The following ANOS1 variants were observed in gnomAD, a reference collection of about 807,000 sequenced individuals.
ANOS1 encodes the protein anosmin 1, also known as anosmin-1.
A neutral mutation model predicts 59.0 loss-of-function variants in ANOS1; 6 were observed. That is an observed-to-expected ratio of 0.10 (90% CI 0.06 to 0.20). The LOEUF is 0.20. Among genes scored for constraint, ANOS1 ranks in the 10% least tolerant of loss-of-function variants. The probability of loss-of-function intolerance (pLI) is 1.00; values close to 1 mark genes in which losing one functional copy is unlikely to be tolerated. For missense variants in ANOS1, 433 were observed against 542.3 expected (o/e 0.80, Z 2.00); for synonymous variants, 217 against 223.4 (o/e 0.97, Z 0.25).
intron 2 of ANOS1, among the ~76,000 whole-genome samples, chrX:8,681,328 C>T (rs747044045): frequency 8.9e-6 from 1 of 112,067 alleles, no homozygotes; most frequent in Non-Finnish European, 1.9e-5. Context: ...AAAGCTTTTC[C>T]ATTGCTATAC....
chrX:8,706,277 T>A (rs1315097789), intron 1 of ANOS1, among the ~76,000 whole-genome samples: 1 of 112,217 alleles, frequency 8.9e-6, no homozygotes, highest in Non-Finnish European at 1.9e-5. Context: ...GTCTACAATT[T>A]CCAAAATACA....
intron 2 of ANOS1, among the ~76,000 whole-genome samples, chrX:8,641,102 G>A (rs187177996): frequency 4.1e-4 from 46 of 112,291 alleles, no homozygotes; most frequent in African/African-American, 1.4e-3. Context: ...TGAGAAATAA[G>A]TAGGTCAGTC....
At chrX:8,601,410 C>T (rs1930841348) in intron 3 of ANOS1, among the ~76,000 whole-genome samples, 1 of 110,868 alleles carries the variant, frequency 9.0e-6, no homozygotes. Flanking sequence ...ATGCCAACTG[C>T]CACACATTTG....
At position 8,570,619 on chromosome X, in the gene ANOS1, A is replaced by C; in HGVS notation, c.942T>G (p.Val314=). Residue 314 remains valine, a synonymous_variant, in exon 7 of 14, where the codon GTT becomes GTG. Transcript: ENST00000262648. ...TGTCCGGCTCCTCGGGGAGATCCCA[A>C]ACTATAGTGACGGTCACACTCCCAT... ...NSDGSVTVTI[V]WDLPEEPDIP... 8.3e-7 allele frequency: 1 copy of C among 1,211,294 alleles called. No homozygotes were observed.
intron 1 of ANOS1, among the ~76,000 whole-genome samples, chrX:8,723,012 G>T (rs1447154289): frequency 1.8e-5 from 2 of 112,078 alleles, no homozygotes; most frequent in African/African-American, 6.5e-5. Flanking sequence ...GCCACATGTA[G>T]GAGAATGAAA....
At chrX:8,589,240 T>C (rs1418727488) in intron 4 of ANOS1, among the ~76,000 whole-genome samples, 1 of 112,315 alleles carries the variant, frequency 8.9e-6, no homozygotes, top group Non-Finnish European at 1.9e-5. Flanking sequence ...TAAAAAAAGC[T>C]ATTTTCTGGA....
At chrX:8,608,851 C>T (rs1930991005) in intron 3 of ANOS1, among the ~76,000 whole-genome samples, 1 of 112,081 alleles carries the variant, frequency 8.9e-6, no homozygotes, top group Non-Finnish European at 1.9e-5. Flanking sequence ...TGTGAAGATG[C>T]CTTGCTTCCC....
chrX:8,612,346 T>A (rs1931073195), intron 3 of ANOS1, among the ~76,000 whole-genome samples: 1 of 111,051 alleles, frequency 9.0e-6, no homozygotes, highest in Admixed American at 9.6e-5. Flanking sequence ...GCTAAAATAG[T>A]GCATAGGGCA....
At chrX:8,712,070 G>A (rs749273029) in intron 1 of ANOS1, among the ~76,000 whole-genome samples, 1 of 112,406 alleles carries the variant, frequency 8.9e-6, no homozygotes, top group South Asian at 3.8e-4. Flanking sequence ...GGGGCTGAAA[G>A]AGCAGAAATT....
chrX:8,732,056 G>A lies in ANOS1; in HGVS notation c.-20C>T. The A allele has an allele frequency of 1.1e-6, 1 of 926,414 alleles. No homozygotes were observed. The allele number at this position is 926,414 out of a possible 1,213,427, so 76.3% of individuals were successfully genotyped here. On this transcript the variant is annotated 5_prime_UTR_variant, in exon 1 of 14. Coordinates refer to ENST00000262648, the MANE Select transcript of ANOS1 (RefSeq NM_000216.4). ...CACCATGGCTGCGGGTCGAGGGCGA[G>A]GGCGAGGGCGCCGGGCGCGGGCCGA... is the stretch of plus-strand genomic sequence containing the variant.
chrX:8,704,708 G>C (rs1353173558), intron 1 of ANOS1, among the ~76,000 whole-genome samples: 1 of 112,152 alleles, frequency 8.9e-6, no homozygotes, highest in African/African-American at 3.2e-5. Context: ...GCATGTCATA[G>C]GCTGCTTGGG....
At chrX:8,648,786 T>C (rs1229358368) in intron 2 of ANOS1, among the ~76,000 whole-genome samples, 2 of 112,262 alleles carry the variant, frequency 1.8e-5, no homozygotes, top group Non-Finnish European at 3.8e-5. Context: ...TGCTATTAAA[T>C]AGCCAGTTTT....
Position 8,570,672 on chromosome X carries a change from G to A in ANOS1, c.889C>T (p.Arg297Trp), listed in dbSNP as rs1205666735. The change falls in exon 7 of 14, where the codon CGG becomes TGG. Residue 297 changes from arginine to tryptophan, a missense_variant. By Grantham distance (101) the Arg-to-Trp change is moderately radical. Transcript: ENST00000262648. ...PSAPPAPANL[R>W]LANSTVNSDG... is the part of the protein sequence containing the mutation. ...CTGTTGACGGTGGAGTTGGCCAGCC[G>A]GAGGTTAGCCGGTGCTGGTGGGGCA... The A allele has an allele frequency of 1.3e-5, 16 of 1,211,467 alleles. No individual in the cohort carries two copies. The South Asian group carries it at 1.4e-4, about 11-fold the overall frequency.
intron 2 of ANOS1, among the ~76,000 whole-genome samples, chrX:8,660,725 C>T (rs1427478891): frequency 9.0e-6 from 1 of 111,443 alleles, no homozygotes; most frequent in Non-Finnish European, 1.9e-5. Flanking sequence ...GCATACATGC[C>T]CTAAAGAATG....
chrX:8,725,770 G>T (rs1438413454), intron 1 of ANOS1, among the ~76,000 whole-genome samples: 1 of 99,798 alleles, frequency 1.0e-5, no homozygotes, highest in Non-Finnish European at 2.0e-5. Flanking sequence ...ATATATATTT[G>T]ATATACTGCA....
In ANOS1 at chrX:8,554,152, T is replaced by C. The variant is rs749286717; in HGVS notation, c.1208-54A>G. On this transcript the variant is annotated intron_variant, in intron 8 of 13. Coordinates refer to ENST00000262648, the MANE Select transcript of ANOS1 (RefSeq NM_000216.4). ...CTTGTTAAAAGTAATTATAGATTCC[T>C]GGGCAAGATGGCCAAATAGGAACAG... 256 of 998,858 alleles carry C rather than the reference T, an allele frequency of 2.6e-4. No homozygotes were observed. The South Asian group carries it at 4.8e-3, about 19-fold the overall frequency. 82.3% of individuals were successfully genotyped at this position (998,858 alleles called of 1,213,427 possible). A position where few individuals can be genotyped will look rare whatever the true frequency, so the allele number is the denominator to read the frequency against.
At chrX:8,667,362 T>TGA (rs1431486788) in intron 2 of ANOS1, among the ~76,000 whole-genome samples, 4 of 110,703 alleles carry the variant, frequency 3.6e-5, no homozygotes, top group Non-Finnish European at 7.5e-5. Context: ...AGCCTTGCTA[T>TGA]GTTGGCCAGC....
intron 6 of ANOS1, among the ~76,000 whole-genome samples, chrX:8,579,695 T>C (rs1176867851): frequency 9.0e-6 from 1 of 110,941 alleles, no homozygotes; most frequent in East Asian, 2.9e-4. Context: ...CCTAAGGCTG[T>C]GTCTGGGCTC....
intron 2 of ANOS1, among the ~76,000 whole-genome samples, chrX:8,684,414 C>T (rs758674461): frequency 9.0e-6 from 1 of 111,256 alleles, no homozygotes; most frequent in African/African-American, 3.3e-5. Flanking sequence ...ATAGAGAAGG[C>T]TGCTTGCCGG....
Sources: gnomAD v4.1 joint callset for allele counts (sites outside exome capture counted in the v4.1 genomes callset) on GRCh38, gnomAD v4.1.1 for gene constraint, MANE v1.5 for transcripts, NCBI Gene and HGNC (gene_info 2026-07-23, HGNC 2026-07-21) for gene names.